ADAMTS9: variants seen among roughly 807,000 people sequenced by gnomAD.
The protein encoded by ADAMTS9 is ADAM metallopeptidase with thrombospondin type 1 motif 9.
ADAMTS9 carries 107 observed loss-of-function variants against 257.1 expected under a neutral mutation model. The observed-to-expected ratio is 0.42, with a 90% CI of 0.36 to 0.49. The LOEUF (loss-of-function observed/expected upper bound fraction) is 0.49. Ranked by LOEUF, ADAMTS9 falls within the 20% of genes least tolerant of loss-of-function variation. The pLI is 0.03. For missense variants in ADAMTS9, 2,353 were observed against 2,469.1 expected (o/e 0.95, Z 1.00); for synonymous variants, 982 against 880.9 (o/e 1.11, Z -2.03).
intron 9 of ADAMTS9, 124 bp downstream of exon 9, chr3:64,650,893 C>A: frequency 1.1e-6 from 1 of 923,632 alleles, no homozygotes; most frequent in Non-Finnish European, 1.5e-6. Flanking sequence ...TTGCCTTCTC[C>A]AAGGAATGTC....
chr3:64,584,787 C>G (rs2084105018), intron 28 of ADAMTS9, among the ~76,000 whole-genome samples: 1 of 152,066 alleles, frequency 6.6e-6, no homozygotes, highest in South Asian at 2.1e-4. Flanking sequence ...ATTATTTTGT[C>G]TTTCCCTGAA....
In ADAMTS9 at chr3:64,622,601, A is replaced by G; in HGVS notation, c.2390-15T>C. The G allele has an allele frequency of 6.2e-7, 1 of 1,612,912 alleles. No homozygotes were observed. The highest frequency in any genetic ancestry group is 2.2e-5 in the East Asian group (1 of 44,836). ...GCTTGATAAAGCTGTAGGTGAAGAA[A>G]CAGAATAATACATTGATCTGCTGTC... On this transcript the variant is annotated splice_polypyrimidine_tract_variant and intron_variant, in intron 16 of 39. Transcript: ENST00000498707.
chr3:64,681,350 C>T lies in ADAMTS9; in HGVS notation c.530G>A (p.Arg177Gln), dbSNP rs200574791. The T allele has an allele frequency of 3.8e-4, 614 of 1,610,922 alleles. No individual in the cohort carries two copies. Among genetic ancestry groups the T allele is most frequent in the Admixed American group, 7.4e-4 (44 of 59,598 alleles). The change falls in exon 3 of 40, where the codon CGG (arginine) becomes CAG (glutamine). Residue 177 changes from arginine (R) to glutamine (Q), a missense_variant. By Grantham distance (43) the Arg-to-Gln change is conservative. Around this residue, in one of 3 missense-constraint regions of ADAMTS9, gnomAD observed 591 missense variants for 569.6 expected, o/e 1.04. Coordinates refer to ENST00000498707, the MANE Select transcript of ADAMTS9 (RefSeq NM_182920.2). ...AATAAAATAATCCCCATCATGAGACCGGAATGTGCCCAGCTGCAAATGAAG... is the reference window on the plus strand; with the variant it reads ...AATAAAATAATCCCCATCATGAGACTGGAATGTGCCCAGCTGCAAATGAAG... The part of the protein sequence containing the change: ...SLCSGMLGTF[R>Q]SHDGDYFIEP...
chr3:64,539,450 T>A (rs2083093143), intron 36 of ADAMTS9, among the ~76,000 whole-genome samples, 156 bp from the exon 37 acceptor site: 2 of 152,036 alleles, frequency 1.3e-5, no homozygotes, highest in Non-Finnish European at 2.9e-5. Context: ...GGTAAATGGA[T>A]CCAGATGCTC....
At position 64,594,249 on chromosome 3, in the gene ADAMTS9, G is replaced by A; in HGVS notation, c.4356+9C>T. Reference sequence around the variant, plus strand: ...TTTGGTTAACAAACATGAATAGTTAGGGCCGTACCGAGCTCCAAGGGCCAG... The same window carrying A: ...TTTGGTTAACAAACATGAATAGTTAAGGCCGTACCGAGCTCCAAGGGCCAG... On this transcript the variant is annotated intron_variant, in intron 28 of 39. Coordinates refer to ENST00000498707, the MANE Select transcript of ADAMTS9 (RefSeq NM_182920.2). 6.2e-7 allele frequency: 1 copy of A among 1,611,488 alleles called. No homozygotes were observed. Among genetic ancestry groups the A allele is most frequent in the Non-Finnish European group, 8.5e-7 (1 of 1,178,516 alleles).
Position 64,686,759 on chromosome 3 carries a change from ACTG to A in ADAMTS9, c.322_324del (p.Gln108del). On this transcript the variant is annotated inframe_deletion, in exon 2 of 40. Transcript: ENST00000498707. This position sits in a 1 kb window ranked among gnomAD's most constrained non-coding sequence, Gnocchi z 4.6. ...GCATTGGCGGTGAGATTAAATAGAAACTGCTGGCCGAAGGCAGAGAGGCGGTAA... is the reference window on the plus strand; with the variant it reads ...GCATTGGCGGTGAGATTAAATAGAAACTGGCCGAAGGCAGAGAGGCGGTAA... 1 of 1,614,156 alleles carries A rather than the reference ACTG, an allele frequency of 6.2e-7. No homozygotes were observed. The highest frequency in any genetic ancestry group is 8.5e-7 in the Non-Finnish European group (1 of 1,180,034).
At chr3:64,572,689 A>C (rs527861064) in intron 28 of ADAMTS9, among the ~76,000 whole-genome samples, 2 of 152,168 alleles carry the variant, frequency 1.3e-5, no homozygotes, top group South Asian at 4.1e-4. Context: ...TAAAGAACCA[A>C]GAAGGAATAA....
At chr3:64,552,140 A>C (rs2083278699) in intron 30 of ADAMTS9, among the ~76,000 whole-genome samples, 1 of 152,238 alleles carries the variant, frequency 6.6e-6, no homozygotes, top group Admixed American at 6.5e-5. Context: ...CAGATGAAGA[A>C]AATGGGACTT....
chr3:64,520,745 T>C (rs1030589291), intron 39 of ADAMTS9, among the ~76,000 whole-genome samples: 1 of 152,260 alleles, frequency 6.6e-6, no homozygotes, highest in Admixed American at 6.5e-5. Context: ...GCTAACCATA[T>C]ACAGAAGAAT....
chr3:64,659,727 C>G (rs1016229168), intron 3 of ADAMTS9, among the ~76,000 whole-genome samples: 1 of 152,046 alleles, frequency 6.6e-6, no homozygotes, highest in Non-Finnish European at 1.5e-5. Context: ...AATTAAACTC[C>G]GAGAGTCTGG....
intron 2 of ADAMTS9, among the ~76,000 whole-genome samples, chr3:64,682,501 T>C (rs567741990): frequency 6.6e-6 from 1 of 152,238 alleles, no homozygotes; most frequent in South Asian, 2.1e-4. Flanking sequence ...AAACTAAAAA[T>C]TACAAGAACA....
chr3:64,642,554 T>G (rs1412152307), intron 11 of ADAMTS9, among the ~76,000 whole-genome samples: 1 of 152,100 alleles, frequency 6.6e-6, no homozygotes, highest in Non-Finnish European at 1.5e-5. Context: ...CTTTATGACT[T>G]GTTTGTTACT....
At chr3:64,537,543 T>G (rs1353112780) in intron 37 of ADAMTS9, among the ~76,000 whole-genome samples, 1 of 152,138 alleles carries the variant, frequency 6.6e-6, no homozygotes, top group African/African-American at 2.4e-5. Context: ...TCCACTTCTC[T>G]AAAACGTTTA....
At chr3:64,605,424 C>T (rs958806336) in intron 23 of ADAMTS9, among the ~76,000 whole-genome samples, 1 of 152,084 alleles carries the variant, frequency 6.6e-6, no homozygotes, top group African/African-American at 2.4e-5. Context: ...GTTAATTGAT[C>T]GATGATGACA....
At chr3:64,533,430 G>A (rs2083007869) in intron 37 of ADAMTS9, among the ~76,000 whole-genome samples, 160 bp from the exon 38 acceptor site, 1 of 152,200 alleles carries the variant, frequency 6.6e-6, no homozygotes, top group African/African-American at 2.4e-5. Flanking sequence ...TGTTTGTTCA[G>A]GGCCAGCCAT....
chr3:64,648,103 C>A, intron 10 of ADAMTS9, 59 bp from the exon 11 acceptor site: 1 of 1,481,706 alleles, frequency 6.7e-7, no homozygotes, highest in African/African-American at 1.4e-5. Context: ...CAGTATCAAA[C>A]AAAGCAAAGC....
At chr3:64,526,129 ATAGT>A (rs2082907611) in intron 38 of ADAMTS9, among the ~76,000 whole-genome samples, 1 of 147,642 alleles carries the variant, frequency 6.8e-6, no homozygotes, top group African/African-American at 2.4e-5. Flanking sequence ...TTTACTATAG[ATAGT>A]TAACAATAAT....
chr3:64,687,483 A>G lies in ADAMTS9; in HGVS notation c.115+60T>C. 1 of 1,366,792 alleles carries G rather than the reference A, an allele frequency of 7.3e-7. No individual in the cohort carries two copies. 84.7% of individuals were successfully genotyped at this position (1,366,792 alleles called of 1,614,324 possible). ...CCGCTGCGGGGTGCCCCTGCCCAGGAGCGAGGACCGGGAGGCGGCGTCGGG... is the reference window on the plus strand; with the variant it reads ...CCGCTGCGGGGTGCCCCTGCCCAGGGGCGAGGACCGGGAGGCGGCGTCGGG... On this transcript the variant is annotated intron_variant, in intron 1 of 39. Coordinates refer to ENST00000498707, the MANE Select transcript of ADAMTS9 (RefSeq NM_182920.2). This position sits in a 1 kb window ranked among gnomAD's most constrained non-coding sequence, Gnocchi z 4.4.
At chr3:64,655,042 G>C (rs965919719) in intron 6 of ADAMTS9, among the ~76,000 whole-genome samples, 1 of 152,204 alleles carries the variant, frequency 6.6e-6, no homozygotes, top group Non-Finnish European at 1.5e-5. Flanking sequence ...ACGCGTCTTT[G>C]TTGCTACAGT....
Sources: gnomAD v4.1 joint callset for allele counts (sites outside exome capture counted in the v4.1 genomes callset) on GRCh38, gnomAD v4.1.1 for gene constraint, gnomAD v4.1.1 regional missense constraint, Gnocchi (gnomAD v3.1) non-coding constraint, MANE v1.5 for transcripts, NCBI Gene and HGNC (gene_info 2026-07-23, HGNC 2026-07-21) for gene names.